Variants in TESK2 observed in about 807,000 individuals in gnomAD.
The protein encoded by TESK2 is testis associated actin remodelling kinase 2, also known as dual specificity testis-specific protein kinase 2.
TESK2 carries 39 observed loss-of-function variants against 57.1 expected under a neutral mutation model. The observed-to-expected ratio is 0.68, with a 90% CI of 0.53 to 0.89. TESK2 has a LOEUF of 0.89. Among genes scored for constraint, TESK2 ranks in the 40% least tolerant of loss-of-function variants. The pLI is 0.00. For missense variants in TESK2, 646 were observed against 732.1 expected (o/e 0.88, Z 1.36); for synonymous variants, 249 against 267.9 (o/e 0.93, Z 0.69).
At chr1:45,363,239 AG>A (rs1180554103) in intron 4 of TESK2, among the ~76,000 whole-genome samples, 1 of 152,214 alleles carries the variant, frequency 6.6e-6, no homozygotes, top group African/African-American at 2.4e-5. Context: ...TACAACAGGT[AG>A]AACCCACTAT....
chr1:45,453,365 A>AGG lies in TESK2; in HGVS notation c.222+4198_222+4199insCC, dbSNP rs1203943860. Among the ~76,000 whole-genome samples the AGG allele has an allele frequency of 1.9e-3, 275 of 146,488 alleles. 2 individuals are homozygous for AGG. The highest frequency in any genetic ancestry group is 6.2e-3 in the African/African-American group (245 of 39,542). On this transcript the variant is annotated intron_variant, in intron 2 of 10. Transcript: ENST00000372086. ...TCAAAAAAAAAAAAAAAAAAAAAAG[A>AGG]GAGAGAGAGAGATAAACCCTCTCTA...
At chr1:45,346,405 G>A (rs560650353) in intron 9 of TESK2, among the ~76,000 whole-genome samples, 122 of 152,198 alleles carry the variant, frequency 8.0e-4, no homozygotes, top group Non-Finnish European at 9.0e-4. Flanking sequence ...TGGATCCACA[G>A]TCCAACAATA....
At chr1:45,349,784 G>A (rs1213750557) in intron 5 of TESK2, among the ~76,000 whole-genome samples, 2 of 152,230 alleles carry the variant, frequency 1.3e-5, no homozygotes, top group African/African-American at 2.4e-5. Flanking sequence ...CCCAGAAGGA[G>A]CTTGGCAAAA....
At chr1:45,393,789 TA>T (rs1261196688) in intron 3 of TESK2, among the ~76,000 whole-genome samples, 1 of 150,730 alleles carries the variant, frequency 6.6e-6, no homozygotes, top group African/African-American at 2.4e-5. Context: ...CTAAATGTTG[TA>T]AAAAAACAAT....
chr1:45,407,276 G>A (rs1047709447), intron 3 of TESK2, among the ~76,000 whole-genome samples: 1 of 151,776 alleles, frequency 6.6e-6, no homozygotes, highest in African/African-American at 2.4e-5. Context: ...ATCTTTTGCT[G>A]AGACAGGGTC....
At chr1:45,429,649 G>A (rs1004293138) in intron 2 of TESK2, among the ~76,000 whole-genome samples, 15 of 152,186 alleles carry the variant, frequency 9.9e-5, no homozygotes, top group Admixed American at 2.6e-4. Context: ...AAATGAAAAC[G>A]GAGTTACCCG....
In TESK2 at chr1:45,398,706, C is replaced by T. The variant is rs914607450; in HGVS notation, c.345-12746G>A. On this transcript the variant is annotated intron_variant, in intron 3 of 10. Coordinates refer to ENST00000372086, the MANE Select transcript of TESK2 (RefSeq NM_007170.3). ...TGGAAGAGAATAGCTACTTGTTCAACAAATTGCTTCCCCTTTCCTCCTGAA... is the reference window on the plus strand; with the variant it reads ...TGGAAGAGAATAGCTACTTGTTCAATAAATTGCTTCCCCTTTCCTCCTGAA... 3 of 234,652 alleles carry T rather than the reference C, an allele frequency of 1.3e-5. No homozygotes were observed. In the Admixed American group the frequency reaches 1.5e-4, roughly 12 times the overall value. 14.5% of individuals were successfully genotyped at this position (234,652 alleles called of 1,614,324 possible). A position where few individuals can be genotyped will look rare whatever the true frequency, so the allele number is the denominator to read the frequency against.
At chr1:45,476,514 T>C (rs1045429417) in intron 1 of TESK2, among the ~76,000 whole-genome samples, 3 of 151,200 alleles carry the variant, frequency 2.0e-5, no homozygotes, top group Non-Finnish European at 4.4e-5. Context: ...AATCAATCCA[T>C]GTGCATCCAT....
intron 1 of TESK2, among the ~76,000 whole-genome samples, chr1:45,473,137 A>G (rs550997615): frequency 9.3e-5 from 14 of 149,838 alleles, no homozygotes; most frequent in Admixed American, 8.7e-4. Flanking sequence ...GCAAGACAGT[A>G]AGACTCCGTC....
intron 1 of TESK2, among the ~76,000 whole-genome samples, chr1:45,465,622 G>A (rs1194056120): frequency 6.6e-6 from 1 of 152,092 alleles, no homozygotes; most frequent in African/African-American, 2.4e-5. Flanking sequence ...ACTAAATTTT[G>A]GTATTTGTAT....
intron 4 of TESK2, among the ~76,000 whole-genome samples, chr1:45,364,411 A>C (rs895690677): frequency 6.6e-6 from 1 of 152,214 alleles, no homozygotes; most frequent in African/African-American, 2.4e-5. Context: ...AAGAACACCA[A>C]AAACCTACCA....
At chr1:45,431,657 C>T (rs927171333) in intron 2 of TESK2, among the ~76,000 whole-genome samples, 2 of 152,160 alleles carry the variant, frequency 1.3e-5, no homozygotes, top group African/African-American at 4.8e-5. Flanking sequence ...AAGGGATACT[C>T]AACCTTTTAC....
intron 1 of TESK2, among the ~76,000 whole-genome samples, chr1:45,483,432 C>T (rs530113283): frequency 6.6e-6 from 1 of 151,914 alleles, no homozygotes; most frequent in African/African-American, 2.4e-5. Flanking sequence ...CCTGTCTCTA[C>T]TAAAAATACA....
At chr1:45,477,989 T>G (rs572527390) in intron 1 of TESK2, among the ~76,000 whole-genome samples, 1 of 152,316 alleles carries the variant, frequency 6.6e-6, no homozygotes, top group South Asian at 2.1e-4. Context: ...AGCTCCACTC[T>G]CACACTTTTT....
intron 1 of TESK2, among the ~76,000 whole-genome samples, chr1:45,467,248 T>C (rs1300160912): frequency 2.6e-5 from 4 of 152,240 alleles, no homozygotes; most frequent in Non-Finnish European, 5.9e-5. Flanking sequence ...AATTTTATCA[T>C]TTTTCATTAA....
At chr1:45,395,968 GT>G (rs1161377054) in intron 3 of TESK2, among the ~76,000 whole-genome samples, 1 of 151,836 alleles carries the variant, frequency 6.6e-6, no homozygotes, top group East Asian at 1.9e-4. Context: ...GTAAATTATG[GT>G]TTGTTTTGTT....
At chr1:45,377,949 C>T (rs1648504804) in intron 4 of TESK2, among the ~76,000 whole-genome samples, 1 of 151,802 alleles carries the variant, frequency 6.6e-6, no homozygotes. Flanking sequence ...TCTCTTGAAC[C>T]TGGGAGGTGG....
intron 5 of TESK2, among the ~76,000 whole-genome samples, chr1:45,351,862 G>C (rs1420886705): frequency 6.6e-6 from 1 of 152,140 alleles, no homozygotes; most frequent in East Asian, 1.9e-4. Context: ...CTCTGTGCTA[G>C]GTGGTAAGAA....
intron 1 of TESK2, among the ~76,000 whole-genome samples, chr1:45,461,230 C>T (rs768602658): frequency 6.6e-5 from 10 of 151,832 alleles, no homozygotes; most frequent in African/African-American, 1.5e-4. Context: ...TGGCCAGGCA[C>T]GGTGGCTCAC....
Sources: gnomAD v4.1 joint callset for allele counts (sites outside exome capture counted in the v4.1 genomes callset) on GRCh38, gnomAD v4.1.1 for gene constraint, MANE v1.5 for transcripts, NCBI Gene and HGNC (gene_info 2026-07-23, HGNC 2026-07-21) for gene names.